TMEM266: variants seen among roughly 807,000 people sequenced by gnomAD.
TMEM266 encodes the protein transmembrane protein 266, also known as Hv1 related protein 1.
A neutral mutation model predicts 50.5 loss-of-function variants in TMEM266; 33 were observed. The observed-to-expected ratio is 0.65, with a 90% CI of 0.50 to 0.87. The LOEUF is 0.87. Ranked by LOEUF, TMEM266 falls within the 40% of genes least tolerant of loss-of-function variation. The probability of loss-of-function intolerance (pLI) is 0.00; values close to 1 mark genes in which losing one functional copy is unlikely to be tolerated. For missense variants in TMEM266, 655 were observed against 695.1 expected (o/e 0.94, Z 0.65); for synonymous variants, 310 against 292.3 (o/e 1.06, Z -0.62).
At chr15:76,184,645 G>A (rs1290977201) in intron 8 of TMEM266, among the ~76,000 whole-genome samples, 1 of 152,218 alleles carries the variant, frequency 6.6e-6, no homozygotes, top group East Asian at 1.9e-4. Context: ...AGTGTGCATT[G>A]ATCAGGACAA....
At chr15:76,077,608 G>A (rs1219637919) in intron 1 of TMEM266, among the ~76,000 whole-genome samples, 1 of 152,094 alleles carries the variant, frequency 6.6e-6, no homozygotes, top group African/African-American at 2.4e-5. Context: ...AGTCCTTATA[G>A]GAGAGAGGCA....
At chr15:76,195,767 C>G (rs932907210) in intron 9 of TMEM266, among the ~76,000 whole-genome samples, 2 of 152,236 alleles carry the variant, frequency 1.3e-5, no homozygotes, top group African/African-American at 4.8e-5. Flanking sequence ...GAGCTAACAG[C>G]ACAGCCCTTG....
intron 8 of TMEM266, 80 bp from the exon 9 acceptor site, chr15:76,191,888 A>T: frequency 7.7e-7 from 1 of 1,300,176 alleles, no homozygotes; most frequent in Non-Finnish European, 1.0e-6. Flanking sequence ...CCCATGCAGG[A>T]GCAAAGCGCC....
intron 1 of TMEM266, among the ~76,000 whole-genome samples, chr15:76,063,475 G>A (rs1218796567): frequency 6.6e-6 from 1 of 152,138 alleles, no homozygotes; most frequent in Admixed American, 6.6e-5. Flanking sequence ...TAGCACTAAT[G>A]GTTCTCTCCC....
intron 1 of TMEM266, among the ~76,000 whole-genome samples, chr15:76,129,259 T>C (rs1453327886): frequency 6.6e-6 from 1 of 152,150 alleles, no homozygotes; most frequent in African/African-American, 2.4e-5. Flanking sequence ...CTATGAAATC[T>C]TGCAAAAAAA....
intron 1 of TMEM266, among the ~76,000 whole-genome samples, chr15:76,079,477 A>G (rs1483396522): frequency 6.8e-6 from 1 of 147,084 alleles, no homozygotes; most frequent in East Asian, 2.0e-4. Context: ...TACCTCTGCA[A>G]AGATACTATT....
intron 5 of TMEM266, among the ~76,000 whole-genome samples, chr15:76,163,843 G>C (rs62030163): frequency 0.067 from 10,190 of 152,290 alleles, 390 homozygotes; most frequent in Middle Eastern, 0.11. Flanking sequence ...GGCAGTGGTG[G>C]CAGCAGCTAC....
intron 1 of TMEM266, among the ~76,000 whole-genome samples, chr15:76,133,195 A>G (rs2037539301): frequency 6.6e-6 from 1 of 152,058 alleles, no homozygotes; most frequent in African/African-American, 2.4e-5. Flanking sequence ...GCACTTTGGG[A>G]GGCCGAGGCG....
chr15:76,105,561 C>T (rs914412755), intron 1 of TMEM266, among the ~76,000 whole-genome samples: 11 of 152,222 alleles, frequency 7.2e-5, no homozygotes, highest in Admixed American at 2.6e-4. Flanking sequence ...TTCAATCTTC[C>T]ATTGTAGTAC....
At chr15:76,172,091 G>T (rs576202551) in intron 7 of TMEM266, among the ~76,000 whole-genome samples, 3 of 152,284 alleles carry the variant, frequency 2.0e-5, no homozygotes, top group African/African-American at 4.8e-5. Flanking sequence ...ACTCATAGGG[G>T]GCTGGTCAGC....
chr15:76,170,492 C>T (rs2038170781), intron 6 of TMEM266, among the ~76,000 whole-genome samples: 1 of 152,248 alleles, frequency 6.6e-6, no homozygotes, highest in African/African-American at 2.4e-5. Flanking sequence ...GACGGAAGGG[C>T]AGGGCCCAGG....
At chr15:76,151,063 G>A (rs1377016593) in intron 3 of TMEM266, among the ~76,000 whole-genome samples, 2 of 152,106 alleles carry the variant, frequency 1.3e-5, no homozygotes, top group African/African-American at 4.8e-5. Flanking sequence ...GGCAGCCCAA[G>A]CCGGGCCCCT....
At chr15:76,085,704 C>A (rs1158101764) in intron 1 of TMEM266, among the ~76,000 whole-genome samples, 1 of 152,128 alleles carries the variant, frequency 6.6e-6, no homozygotes, top group Non-Finnish European at 1.5e-5. Context: ...AGTTCTACTC[C>A]TAGGTATTTA....
chr15:76,194,849 CAAGT>C (rs965645303), intron 9 of TMEM266, among the ~76,000 whole-genome samples: 5 of 152,282 alleles, frequency 3.3e-5, no homozygotes, highest in Admixed American at 2.6e-4. Flanking sequence ...GCTTTCTTTC[CAAGT>C]AAGACCACAT....
chr15:76,132,966 C>A (rs1415984554), intron 1 of TMEM266, among the ~76,000 whole-genome samples: 2 of 151,216 alleles, frequency 1.3e-5, no homozygotes, highest in African/African-American at 2.4e-5. Flanking sequence ...AAAACCCCGA[C>A]TCTACCAAAA....
At chr15:76,140,423 G>T (rs2037659890) in intron 3 of TMEM266, among the ~76,000 whole-genome samples, 2 of 152,164 alleles carry the variant, frequency 1.3e-5, no homozygotes, top group Non-Finnish European at 2.9e-5. Flanking sequence ...GAAAACAAAA[G>T]GAAGAGTCCT....
intron 1 of TMEM266, among the ~76,000 whole-genome samples, chr15:76,096,769 G>A (rs1158944229): frequency 6.6e-6 from 1 of 152,006 alleles, no homozygotes; most frequent in East Asian, 1.9e-4. Context: ...CTAAGAACTT[G>A]CTTTATGAAT....
intron 1 of TMEM266, among the ~76,000 whole-genome samples, chr15:76,062,614 T>C (rs2036326401): frequency 6.6e-6 from 1 of 152,218 alleles, no homozygotes; most frequent in South Asian, 2.1e-4. Flanking sequence ...TGAGTTTTCC[T>C]GTGGGGAGCA....
At position 76,100,547 on chromosome 15, in the gene TMEM266, T is replaced by C. The variant is rs562103085; in HGVS notation, c.-96-33621T>C. On this transcript the variant is annotated intron_variant, in intron 1 of 10. Transcript: ENST00000388942. ...GTCAGATTTTCCTGGCATATCTCCA[T>C]AGCCTTGGTGCCATGCCCTGCCTAT... 4.3e-4 allele frequency among the ~76,000 whole-genome samples: 66 copies of C among 152,338 alleles called. 1 individual carries two copies. In the South Asian group the frequency reaches 0.013, roughly 31 times the overall value.
Sources: allele counts gnomAD v4.1 joint callset (sites outside exome capture counted in the v4.1 genomes callset), GRCh38; gene constraint gnomAD v4.1.1; transcripts MANE v1.5; gene names NCBI Gene and HGNC (gene_info 2026-07-23, HGNC 2026-07-21).